The following CHL1 variants were observed in gnomAD, a reference collection of about 807,000 sequenced individuals.
CHL1 encodes cell adhesion molecule L1 like, also known as neural cell adhesion molecule L1-like protein.
CHL1 carries 96 observed loss-of-function variants against 141.9 expected under a neutral mutation model. That is an observed-to-expected ratio of 0.68 (90% CI 0.57 to 0.80). The LOEUF is 0.80. Ranked by LOEUF, CHL1 falls within the 30% of genes least tolerant of loss-of-function variation. CHL1 has a pLI of 0.00. For missense variants in CHL1, 1,820 were observed against 1,457.2 expected (o/e 1.25, Z -4.05); for synonymous variants, 613 against 502.2 (o/e 1.22, Z -2.95).
Position 344,604 on chromosome 3 carries a change from A to T in CHL1, c.743A>T (p.Gln248Leu), listed in dbSNP as rs1216510838. 1 of 1,610,886 alleles carries T rather than the reference A, an allele frequency of 6.2e-7. No homozygotes were observed. The highest frequency in any genetic ancestry group is 8.5e-7 in the Non-Finnish European group (1 of 1,178,824). Residue 248 changes from glutamine (Q) to leucine (L), a missense_variant, in exon 9 of 28, where the codon CAA (glutamine) becomes CTA (leucine). Gln to Leu is a moderately radical substitution (Grantham distance 113). Coordinates refer to ENST00000256509, the MANE Select transcript of CHL1 (RefSeq NM_006614.4). The part of the protein sequence containing the change: ...EIGSKANSIK[Q>L]RKPKLLLPPT... ...TATTTTGTAGCAAATTCCATCAAGC[A>T]AAGAAAACCCAAACTGCTGTTGCCT...
In CHL1 at chr3:361,771, A is replaced by C. The variant is rs778296685; in HGVS notation, c.1379A>C (p.His460Pro). Residue 460 changes from histidine (H) to proline (P), a missense_variant, in exon 13 of 28, where the codon CAT (histidine) becomes CCT (proline). Transcript: ENST00000256509. ...ATVVGYSAFL[H>P]CEFFASPEAV... The stretch of plus-strand genomic sequence containing the variant: ...GTGGTTGGGTACAGTGCTTTCTTAC[A>C]TTGCGAGTTCTTTGCTTCACCTGAG... 1 of 1,613,656 alleles carries C rather than the reference A, an allele frequency of 6.2e-7. No individual in the cohort carries two copies. The highest frequency in any genetic ancestry group is 8.5e-7 in the Non-Finnish European group (1 of 1,179,612).
intron 2 of CHL1, among the ~76,000 whole-genome samples, chr3:281,642 C>G (rs966232140): frequency 6.6e-6 from 1 of 151,630 alleles, no homozygotes; most frequent in African/African-American, 2.4e-5. Flanking sequence ...TTACTGCAAC[C>G]TCTGTCTCCT....
intron 11 of CHL1, among the ~76,000 whole-genome samples, chr3:356,292 A>AT (rs1428815370): frequency 6.6e-6 from 1 of 152,238 alleles, no homozygotes; most frequent in Non-Finnish European, 1.5e-5. Context: ...ATAAAATATT[A>AT]TATTTGGATG....
At chr3:285,127 T>C (rs1697013840) in intron 2 of CHL1, among the ~76,000 whole-genome samples, 1 of 152,238 alleles carries the variant, frequency 6.6e-6, no homozygotes, top group Admixed American at 6.5e-5. Flanking sequence ...TTGAAATAAT[T>C]AGAATAAGTT....
Position 205,641 on chromosome 3 carries a change from C to CTG in CHL1, c.-175+8595_-175+8596dup, listed in dbSNP as rs141526826. 2.5e-3 allele frequency among the ~76,000 whole-genome samples: 370 copies of CTG among 150,504 alleles called. 1 individual carries two copies. Among genetic ancestry groups the CTG allele is most frequent in the African/African-American group, 5.0e-3 (204 of 41,072 alleles). ...TACATGTTCTTATGTTTGTGTGTGT[C>CTG]TGTGTGTGTGTGTGTGTGCGCGCGC... On this transcript the variant is annotated intron_variant, in intron 1 of 27. Transcript: ENST00000256509.
chr3:361,998 A>G (rs1704302789), intron 13 of CHL1, among the ~76,000 whole-genome samples, 188 bp downstream of exon 13: 1 of 152,220 alleles, frequency 6.6e-6, no homozygotes, highest in South Asian at 2.1e-4. Context: ...CTAGATTTCT[A>G]GGATTTTCTC....
chr3:332,148 G>A (rs1468875423), intron 5 of CHL1, among the ~76,000 whole-genome samples: 1 of 152,104 alleles, frequency 6.6e-6, no homozygotes, highest in Non-Finnish European at 1.5e-5. Context: ...TTAAAAATAT[G>A]CTGGAAAAAA....
chr3:368,111 C>CAAGT (rs1705143830), intron 15 of CHL1, among the ~76,000 whole-genome samples: 1 of 152,030 alleles, frequency 6.6e-6, no homozygotes, highest in African/African-American at 2.4e-5. Flanking sequence ...GGGTATATAC[C>CAAGT]AAGTAATGTG....
chr3:215,848 A>G (rs759754560), intron 1 of CHL1, among the ~76,000 whole-genome samples: 2 of 152,172 alleles, frequency 1.3e-5, no homozygotes, highest in Admixed American at 6.5e-5. Flanking sequence ...TATCTTTTGA[A>G]TGATTCAATA....
At chr3:237,458 C>G (rs17265134) in intron 1 of CHL1, among the ~76,000 whole-genome samples, 1 of 152,120 alleles carries the variant, frequency 6.6e-6, no homozygotes, top group African/African-American at 2.4e-5. Context: ...AATACAGCCT[C>G]CTTTAGACAG....
chr3:367,471 C>A (rs953198159), intron 15 of CHL1, among the ~76,000 whole-genome samples: 12 of 151,960 alleles, frequency 7.9e-5, no homozygotes, highest in African/African-American at 2.9e-4. Context: ...GTTTTAAATC[C>A]CATAACATAG....
intron 1 of CHL1, among the ~76,000 whole-genome samples, chr3:241,488 G>T (rs566427712): frequency 3.8e-4 from 58 of 152,204 alleles, no homozygotes; most frequent in Admixed American, 9.8e-4. Flanking sequence ...ACCAGCCATG[G>T]GTAGGTTGTT....
chr3:272,262 G>A (rs1257384791), intron 2 of CHL1, among the ~76,000 whole-genome samples: 1 of 152,062 alleles, frequency 6.6e-6, no homozygotes, highest in Non-Finnish European at 1.5e-5. Context: ...CTGTGCAGGG[G>A]TTTACATTAG....
intron 18 of CHL1, 81 bp downstream of exon 18, chr3:382,752 A>C: frequency 2.5e-6 from 3 of 1,200,904 alleles, no homozygotes; most frequent in Non-Finnish European, 3.7e-6. Flanking sequence ...AAAGATTGAT[A>C]GAGTAATGTA....
At chr3:319,578 C>CAT (rs1257087466) in intron 2 of CHL1, 105 bp from the exon 3 acceptor site, 1 of 452,100 alleles carries the variant, frequency 2.2e-6, no homozygotes, top group Non-Finnish European at 3.7e-6. Context: ...AAGGAGGAAA[C>CAT]ATACTGCCAA....
At chr3:308,764 T>C in intron 2 of CHL1, 1 of 154,514 alleles carries the variant, frequency 6.5e-6, no homozygotes. Flanking sequence ...TCCAGTTCCT[T>C]GCACTCTAGC....
intron 13 of CHL1, 146 bp downstream of exon 13, chr3:361,956 G>T: frequency 1.7e-6 from 1 of 582,378 alleles, no homozygotes; most frequent in Non-Finnish European, 3.1e-6. Flanking sequence ...AAACTTACCG[G>T]TCCAGGAAAT....
chr3:235,219 CT>C (rs1184872350), intron 1 of CHL1, among the ~76,000 whole-genome samples: 1 of 151,720 alleles, frequency 6.6e-6, no homozygotes, highest in Non-Finnish European at 1.5e-5. Flanking sequence ...CAAGAGTTTG[CT>C]TTAAAGGTGT....
chr3:332,984 G>GT (rs537080709), intron 5 of CHL1, among the ~76,000 whole-genome samples: 70 of 150,782 alleles, frequency 4.6e-4, no homozygotes, highest in African/African-American at 1.1e-3. Flanking sequence ...AAGGATTTCA[G>GT]TTTTTTTTTC....
Sources: gnomAD v4.1 joint callset for allele counts (sites outside exome capture counted in the v4.1 genomes callset) on GRCh38, gnomAD v4.1.1 for gene constraint, MANE v1.5 for transcripts, NCBI Gene and HGNC (gene_info 2026-07-23, HGNC 2026-07-21) for gene names.